Variants in PUM2 observed in about 807,000 individuals in gnomAD.
PUM2 encodes the protein pumilio RNA binding family member 2.
In PUM2, 57 loss-of-function variants were observed where a neutral mutation model predicts 124.5. The ratio of observed to expected loss-of-function variants is 0.46; its 90% CI spans 0.37 to 0.57. The LOEUF is 0.57. Ranked by LOEUF, PUM2 falls within the 20% of genes least tolerant of loss-of-function variation. The pLI is 0.00. For synonymous variants in PUM2, 460 were observed against 446.1 expected, an observed-to-expected ratio of 1.03 and a Z score of -0.39; for missense variants, 1,065 against 1,290.6, an observed-to-expected ratio of 0.83 and a Z score of 2.68.
chr2:20,271,652 CCCTTAAAGTA>C (rs1332972217), intron 13 of PUM2, among the ~76,000 whole-genome samples: 1 of 151,998 alleles, frequency 6.6e-6, no homozygotes, highest in Non-Finnish European at 1.5e-5. Flanking sequence ...ATTTAAAAGA[CCCTTAAAGTA>C]AATAGCATTT....
intron 12 of PUM2, 108 bp downstream of exon 12, chr2:20,282,839 A>G: frequency 8.1e-7 from 1 of 1,237,998 alleles, no homozygotes; most frequent in Non-Finnish European, 1.1e-6. Flanking sequence ...CCAATACTTT[A>G]TTCCTGTCCT....
At chr2:20,329,943 T>C (rs1684551507) in intron 1 of PUM2, among the ~76,000 whole-genome samples, 1 of 151,690 alleles carries the variant, frequency 6.6e-6, no homozygotes, top group Admixed American at 6.6e-5. Context: ...TTCCCCCAAA[T>C]TTAGTGAGAG....
chr2:20,348,752 G>C (rs1037260357), intron 1 of PUM2, among the ~76,000 whole-genome samples: 1 of 152,070 alleles, frequency 6.6e-6, no homozygotes, highest in African/African-American at 2.4e-5. Context: ...GTGAGACCCT[G>C]TCTCTACAAA....
At chr2:20,326,546 T>A (rs1683723984) in intron 2 of PUM2, among the ~76,000 whole-genome samples, 1 of 152,190 alleles carries the variant, frequency 6.6e-6, no homozygotes, top group African/African-American at 2.4e-5. Flanking sequence ...CATGACAAAA[T>A]ACAGATGTCA....
intron 10 of PUM2, among the ~76,000 whole-genome samples, chr2:20,286,655 A>G (rs1312294129): frequency 6.6e-6 from 1 of 151,888 alleles, no homozygotes; most frequent in African/African-American, 2.4e-5. Flanking sequence ...CATTCATATC[A>G]GCTCCTATTT....
intron 7 of PUM2, among the ~76,000 whole-genome samples, chr2:20,307,698 A>G (rs912309292): frequency 1.3e-5 from 2 of 152,232 alleles, no homozygotes; most frequent in Non-Finnish European, 2.9e-5. Context: ...AGTAAATTTG[A>G]ATTTCCAAGT....
At chr2:20,301,951 CT>C (rs1186202168) in intron 7 of PUM2, among the ~76,000 whole-genome samples, 1 of 152,180 alleles carries the variant, frequency 6.6e-6, no homozygotes, top group Non-Finnish European at 1.5e-5. Flanking sequence ...CAATCTACTA[CT>C]TTTATATATT....
rs933308041 is a variant in PUM2 at position 20,278,780 on chromosome 2, G to C, written c.1760C>G (p.Ser587Cys). The C allele has an allele frequency of 3.7e-6, 6 of 1,613,238 alleles. No homozygotes were observed. In the African/African-American group the frequency reaches 6.7e-5, roughly 18 times the overall value. ...GTACAAGTCAGAGCTAGTAGATAGA[G>C]ACTCTCTCCTTGTGGCACTACTACT... is the stretch of plus-strand genomic sequence containing the variant. ...SASSSATRRESLSTSSDLYKR... is the reference protein window; with the variant it reads ...SASSSATRRECLSTSSDLYKR... The change falls in exon 13 of 21, where the codon TCT (serine) becomes TGT (cysteine). Residue 587 changes from serine to cysteine, a missense_variant. Transcript: ENST00000361078.
At chr2:20,337,704 T>G (rs1219043269) in intron 1 of PUM2, among the ~76,000 whole-genome samples, 1 of 152,208 alleles carries the variant, frequency 6.6e-6, no homozygotes, top group Non-Finnish European at 1.5e-5. Flanking sequence ...GGTCCAAGCC[T>G]TCATATGAAC....
chr2:20,335,826 T>G (rs1685875249), intron 1 of PUM2, among the ~76,000 whole-genome samples: 1 of 152,264 alleles, frequency 6.6e-6, no homozygotes, highest in South Asian at 2.1e-4. Context: ...AATCTTTTAA[T>G]GTTTTATTCC....
intron 3 of PUM2, among the ~76,000 whole-genome samples, chr2:20,317,772 A>G (rs765642944): frequency 5.3e-5 from 8 of 152,020 alleles, no homozygotes; most frequent in Non-Finnish European, 1.0e-4. Flanking sequence ...TGTTCTCGTC[A>G]TAAGTGAGAA....
At chr2:20,319,624 GAGATA>G (rs1252362042) in intron 2 of PUM2, among the ~76,000 whole-genome samples, 4 of 152,212 alleles carry the variant, frequency 2.6e-5, no homozygotes, top group African/African-American at 9.7e-5. Flanking sequence ...AAATTGGTCT[GAGATA>G]AGATGTGTGT....
Position 20,249,289 on chromosome 2 carries a change from A to G in PUM2, c.*2296T>C, listed in dbSNP as rs1456361857. ...TCCAACATGACAGCTTTGATCCTGA[A>G]ACCATGGGCTGATACTGAGAACAAA... On this transcript the variant is annotated 3_prime_UTR_variant, in exon 21 of 21. Coordinates refer to ENST00000361078, the MANE Select transcript of PUM2 (RefSeq NM_015317.5). The G allele has an allele frequency of 6.6e-6, 1 of 152,376 alleles. No individual in the cohort carries two copies. The highest frequency in any genetic ancestry group is 2.4e-5 in the African/African-American group (1 of 41,476). 9.4% of individuals were successfully genotyped at this position (152,376 alleles called of 1,614,324 possible).
At chr2:20,290,896 A>C in intron 9 of PUM2, 106 bp from the exon 10 acceptor site, 1 of 894,802 alleles carries the variant, frequency 1.1e-6, no homozygotes, top group Non-Finnish European at 1.6e-6. Context: ...GATATTTTTT[A>C]AACATTTACA....
chr2:20,325,808 A>G (rs937323846), intron 2 of PUM2, among the ~76,000 whole-genome samples: 18 of 152,138 alleles, frequency 1.2e-4, no homozygotes, highest in Non-Finnish European at 2.2e-4. Flanking sequence ...TTTTTAGTAG[A>G]GACGGGGTTT....
At chr2:20,302,780 T>C (rs1165365931) in intron 7 of PUM2, among the ~76,000 whole-genome samples, 1 of 152,164 alleles carries the variant, frequency 6.6e-6, no homozygotes, top group Non-Finnish European at 1.5e-5. Flanking sequence ...AGAAAGAATT[T>C]GCAGAAAGAA....
chr2:20,257,682 G>A (rs1457188059), intron 16 of PUM2, among the ~76,000 whole-genome samples: 2 of 151,990 alleles, frequency 1.3e-5, no homozygotes, highest in African/African-American at 4.8e-5. Context: ...GCATTATTTT[G>A]ATCAACAATT....
intron 13 of PUM2, among the ~76,000 whole-genome samples, chr2:20,270,370 T>C (rs1423595374): frequency 3.3e-5 from 5 of 152,206 alleles, no homozygotes; most frequent in Non-Finnish European, 5.9e-5. Flanking sequence ...GCTGGGATTG[T>C]TTCTCTTAAA....
At chr2:20,325,287 G>C (rs761764549) in intron 2 of PUM2, among the ~76,000 whole-genome samples, 1 of 152,152 alleles carries the variant, frequency 6.6e-6, no homozygotes, top group Non-Finnish European at 1.5e-5. Context: ...CTGGATGAAG[G>C]TTACAGATAC....
Sources: allele counts gnomAD v4.1 joint callset (sites outside exome capture counted in the v4.1 genomes callset), GRCh38; gene constraint gnomAD v4.1.1; transcripts MANE v1.5; gene names NCBI Gene and HGNC (gene_info 2026-07-23, HGNC 2026-07-21).